The following TENM3 variants were observed in gnomAD, a reference collection of about 807,000 sequenced individuals.
The protein encoded by TENM3 is teneurin transmembrane protein 3.
A neutral mutation model predicts 255.1 loss-of-function variants in TENM3; 63 were observed. That is an observed-to-expected ratio of 0.25 (90% CI 0.20 to 0.30). The LOEUF is 0.30. TENM3 is among the 10% of genes least tolerant of loss of function. The pLI is 1.00. For synonymous variants in TENM3, 1,306 were observed against 1,322.3 expected, an observed-to-expected ratio of 0.99 and a Z score of 0.27; for missense variants, 2,929 against 3,461.1, an observed-to-expected ratio of 0.85 and a Z score of 3.86.
the TENM3 span, among the ~76,000 whole-genome samples, chr4:181,849,129 A>G: frequency 1.3e-5 from 2 of 152,342 alleles, no homozygotes; most frequent in Non-Finnish European, 2.9e-5. Flanking sequence ...GAATTATATC[A>G]GTGGTAACAC....
At chr4:181,808,510 A>C in the TENM3 span, among the ~76,000 whole-genome samples, 4 of 152,212 alleles carry the variant, frequency 2.6e-5, no homozygotes, top group Non-Finnish European at 5.9e-5. Context: ...TATCTTTAAA[A>C]ATAAAACCTC....
chr4:181,782,882 A>C, the TENM3 span, among the ~76,000 whole-genome samples: 1 of 152,168 alleles, frequency 6.6e-6, no homozygotes, highest in African/African-American at 2.4e-5. Context: ...TTATGTACCC[A>C]GTAGTCATTC....
intron 3 of TENM3, among the ~76,000 whole-genome samples, chr4:182,584,919 G>A (rs1745864739): frequency 6.6e-6 from 1 of 152,122 alleles, no homozygotes; most frequent in Non-Finnish European, 1.5e-5. Flanking sequence ...AGGGATTACA[G>A]GCGTGAGCCA....
At chr4:182,626,940 CTG>C (rs1750873972) in intron 4 of TENM3, among the ~76,000 whole-genome samples, 2 of 151,954 alleles carry the variant, frequency 1.3e-5, no homozygotes, top group Admixed American at 6.6e-5. Flanking sequence ...AGAAAAAAAA[CTG>C]AGGTTCCCTA....
the TENM3 span, among the ~76,000 whole-genome samples, chr4:181,667,840 T>G: frequency 6.6e-6 from 1 of 152,184 alleles, no homozygotes; most frequent in East Asian, 1.9e-4. Context: ...TGAGGACCTG[T>G]CATAAGGGCA....
the TENM3 span, among the ~76,000 whole-genome samples, chr4:181,891,364 A>G: frequency 6.6e-6 from 1 of 152,150 alleles, no homozygotes; most frequent in South Asian, 2.1e-4. Flanking sequence ...AGTTAATCTA[A>G]TATTTACAAC....
intron 3 of TENM3, among the ~76,000 whole-genome samples, chr4:182,446,585 A>T (rs143944934): frequency 0.025 from 3,826 of 151,094 alleles, 76 homozygotes; most frequent in Non-Finnish European, 0.04. Context: ...AAAATCAAGG[A>T]GTGCATTTTT....
At chr4:181,633,245 A>C in the TENM3 span, among the ~76,000 whole-genome samples, 1 of 152,206 alleles carries the variant, frequency 6.6e-6, no homozygotes, top group Admixed American at 6.5e-5. Context: ...TCAGTATTTT[A>C]AAATTCAAAG....
the TENM3 span, among the ~76,000 whole-genome samples, chr4:181,579,167 C>T: frequency 4.2e-3 from 642 of 152,162 alleles, 3 homozygotes; most frequent in African/African-American, 0.015. Context: ...GGCTCCTGCT[C>T]ACCAGAGGCT....
chr4:181,522,593 A>T, the TENM3 span: 2 of 447,776 alleles, frequency 4.5e-6, no homozygotes, highest in African/African-American at 2.0e-5. Context: ...GGAGAAATAG[A>T]TAGACAAATC....
chr4:182,245,963 T>C (rs2150089994), intron 1 of TENM3, among the ~76,000 whole-genome samples: 1 of 152,330 alleles, frequency 6.6e-6, no homozygotes, highest in Non-Finnish European at 1.5e-5. Flanking sequence ...CGGGCGCTCC[T>C]GCTGGATCCT....
intron 4 of TENM3, among the ~76,000 whole-genome samples, chr4:182,612,472 C>T (rs1217036913): frequency 1.3e-5 from 2 of 152,036 alleles, no homozygotes; most frequent in Non-Finnish European, 2.9e-5. Flanking sequence ...ATAGGTTCCA[C>T]GATCACCCAT....
the TENM3 span, among the ~76,000 whole-genome samples, chr4:181,675,827 TTCA>T: frequency 6.8e-5 from 2 of 29,278 alleles, no homozygotes; most frequent in East Asian, 8.7e-4. Context: ...ACTTCTTCAA[TTCA>T]ATTAGTTTAG....
chr4:182,311,652 TTAAG>T (rs1266782429), intron 1 of TENM3, among the ~76,000 whole-genome samples: 1 of 152,204 alleles, frequency 6.6e-6, no homozygotes, highest in Non-Finnish European at 1.5e-5. Flanking sequence ...GTTGTGAGGA[TTAAG>T]TGAGGTCATA....
At chr4:182,393,390 G>C (rs1370703829) in intron 3 of TENM3, among the ~76,000 whole-genome samples, 1 of 152,106 alleles carries the variant, frequency 6.6e-6, no homozygotes. Context: ...CATACACAGA[G>C]ATAAAATAAG....
chr4:181,984,203 G>A, the TENM3 span, among the ~76,000 whole-genome samples: 1 of 151,866 alleles, frequency 6.6e-6, no homozygotes, highest in African/African-American at 2.4e-5. Flanking sequence ...TTCTTGACAG[G>A]CCTTGGGCCA....
chr4:181,990,913 G>T, the TENM3 span, among the ~76,000 whole-genome samples: 23,229 of 151,992 alleles, frequency 0.15, 2,065 homozygotes, highest in Non-Finnish European at 0.19. Context: ...ACTTACTAAG[G>T]GGTGCAAGCA....
rs930641011 is a variant in TENM3 at position 182,379,120 on chromosome 4, G to A, written c.511+32191G>A. On this transcript the variant is annotated intron_variant, in intron 3 of 27. Coordinates refer to ENST00000511685, the MANE Select transcript of TENM3 (RefSeq NM_001080477.4). ...GGGCCAGGCTTGGTGGCTCACGCCTGTAATCCCAGCACTTTGGGAGGCCGG... is the reference window on the plus strand; with the variant it reads ...GGGCCAGGCTTGGTGGCTCACGCCTATAATCCCAGCACTTTGGGAGGCCGG... Among the ~76,000 whole-genome samples, 6 of 152,320 alleles carry A rather than the reference G, an allele frequency of 3.9e-5. No homozygotes were observed. The East Asian group carries it at 1.2e-3, about 29-fold the overall frequency.
At chr4:181,928,079 G>GTAT in the TENM3 span, among the ~76,000 whole-genome samples, 1 of 152,086 alleles carries the variant, frequency 6.6e-6, no homozygotes, top group Non-Finnish European at 1.5e-5. Context: ...GGAAAAACCA[G>GTAT]TATAAAAAGG....
Sources: allele counts gnomAD v4.1 joint callset (sites outside exome capture counted in the v4.1 genomes callset), GRCh38; gene constraint gnomAD v4.1.1; transcripts MANE v1.5; gene names NCBI Gene and HGNC (gene_info 2026-07-23, HGNC 2026-07-21).